STPG2: variants seen among roughly 807,000 people sequenced by gnomAD.
STPG2 encodes sperm tail PG-rich repeat containing 2.
In STPG2, 56 loss-of-function variants were observed where a neutral mutation model predicts 54.2. The observed-to-expected ratio is 1.03, with a 90% CI of 0.83 to 1.29. The LOEUF is 1.29. Ranked by LOEUF, STPG2 falls within the 50% of genes most tolerant of loss-of-function variation. STPG2 has a pLI of 0.00. For missense variants in STPG2, 596 were observed against 544.9 expected (o/e 1.09, Z -0.93); for synonymous variants, 200 against 181.8 (o/e 1.10, Z -0.81).
chr4:97,949,867 T>C (rs1330477380), intron 7 of STPG2, among the ~76,000 whole-genome samples: 1 of 117,064 alleles, frequency 8.5e-6, no homozygotes, highest in Non-Finnish European at 1.7e-5. Context: ...GCCTTTGTGT[T>C]TTGTTTTTTG....
At chr4:97,554,918 A>G (rs1296854667), downstream of STPG2, among the ~76,000 whole-genome samples, 1 of 152,138 alleles carries the variant, frequency 6.6e-6, no homozygotes, top group Non-Finnish European at 1.5e-5. Context: ...ATAGGCCTTT[A>G]TGGAATAAGA....
At chr4:97,916,243 G>A (rs1288570213) in intron 8 of STPG2, 1 of 152,638 alleles carries the variant, frequency 6.6e-6, no homozygotes, top group African/African-American at 2.4e-5. Flanking sequence ...ACCTGGATTA[G>A]TAAGGAAAGT....
intron 10 of STPG2, among the ~76,000 whole-genome samples, chr4:97,579,477 T>C (rs1732809329): frequency 6.6e-6 from 1 of 152,092 alleles, no homozygotes; most frequent in Non-Finnish European, 1.5e-5. Flanking sequence ...AATTTTCTGC[T>C]AAATTTATTA....
At chr4:97,598,694 G>T (rs1457537503) in intron 10 of STPG2, among the ~76,000 whole-genome samples, 1 of 152,108 alleles carries the variant, frequency 6.6e-6, no homozygotes. Context: ...TTCAATAAAT[G>T]GTGCTGGGAT....
chr4:97,732,393 G>C (rs552389572), intron 9 of STPG2, among the ~76,000 whole-genome samples: 2 of 152,076 alleles, frequency 1.3e-5, no homozygotes, highest in African/African-American at 2.4e-5. Context: ...AGTTTCATTC[G>C]TCTTCATATG....
intron 4 of STPG2, among the ~76,000 whole-genome samples, chr4:97,542,356 A>C (rs1451611103): frequency 2.6e-5 from 4 of 152,246 alleles, no homozygotes; most frequent in African/African-American, 9.6e-5. Context: ...CAGCCAACAG[A>C]CACATGAAAA....
At position 97,503,020 on chromosome 4, in the gene STPG2, C is replaced by G. The variant is rs978282621; in HGVS notation, c.462+209679G>C. On this transcript the variant is annotated intron_variant, in intron 4 of 4. Transcript: ENST00000522676. ...ATCTTGTTTTTATTTATAAAGTAAT[C>G]ATTTATAAAGAGATACTTCCTATAT... is the stretch of plus-strand genomic sequence containing the variant. Among the ~76,000 whole-genome samples, 6 of 151,800 alleles carry G rather than the reference C, an allele frequency of 4.0e-5. 1 individual carries two copies. Among genetic ancestry groups the G allele is most frequent in the South Asian group, 4.1e-4 (2 of 4,826 alleles).
At chr4:97,730,663 C>A (rs1490171805) in intron 9 of STPG2, among the ~76,000 whole-genome samples, 1 of 152,138 alleles carries the variant, frequency 6.6e-6, no homozygotes, top group Non-Finnish European at 1.5e-5. Context: ...GCCAATGAGT[C>A]ATTGGTTTGG....
intron 5 of STPG2, among the ~76,000 whole-genome samples, chr4:98,015,743 A>C (rs1735923267): frequency 6.6e-6 from 1 of 152,192 alleles, no homozygotes; most frequent in East Asian, 1.9e-4. Flanking sequence ...TTCTACTATA[A>C]AGACACATGC....
chr4:97,814,578 G>A (rs2149099511), intron 9 of STPG2, among the ~76,000 whole-genome samples: 1 of 152,192 alleles, frequency 6.6e-6, no homozygotes, highest in Non-Finnish European at 1.5e-5. Flanking sequence ...CAACTTGATT[G>A]GATTGAAGGA....
At chr4:98,063,512 C>A (rs1427539310) in intron 5 of STPG2, among the ~76,000 whole-genome samples, 2 of 151,720 alleles carry the variant, frequency 1.3e-5, no homozygotes, top group East Asian at 1.9e-4. Flanking sequence ...CACAACCTAT[C>A]AAATTTTATA....
chr4:97,768,529 G>A (rs1726126249), intron 9 of STPG2, among the ~76,000 whole-genome samples: 1 of 152,164 alleles, frequency 6.6e-6, no homozygotes, highest in Non-Finnish European at 1.5e-5. Flanking sequence ...ATTTATGAAA[G>A]GAGAAACGTG....
At chr4:97,448,265 C>T (rs953582143) in intron 4 of STPG2, among the ~76,000 whole-genome samples, 1 of 152,136 alleles carries the variant, frequency 6.6e-6, no homozygotes, top group African/African-American at 2.4e-5. Flanking sequence ...GGACTATGGG[C>T]TTTTGAGCTA....
intron 10 of STPG2, among the ~76,000 whole-genome samples, chr4:97,615,323 A>AT (rs1733833697): frequency 6.6e-6 from 1 of 152,034 alleles, no homozygotes; most frequent in Non-Finnish European, 1.5e-5. Flanking sequence ...CAAAATACAC[A>AT]TTTTTCATGA....
chr4:97,880,684 A>G (rs549912841), intron 8 of STPG2, among the ~76,000 whole-genome samples: 2 of 152,286 alleles, frequency 1.3e-5, no homozygotes, highest in South Asian at 2.1e-4. Context: ...AAGAAATACA[A>G]ATTACCCACT....
chr4:97,673,998 T>C (rs1465004064), intron 10 of STPG2, among the ~76,000 whole-genome samples: 1 of 152,190 alleles, frequency 6.6e-6, no homozygotes, highest in East Asian at 1.9e-4. Context: ...CCTAAAGGGT[T>C]TAACACAAAT....
chr4:98,033,945 C>T (rs752858764), intron 5 of STPG2, among the ~76,000 whole-genome samples: 22 of 152,092 alleles, frequency 1.4e-4, no homozygotes, highest in African/African-American at 4.1e-4. Context: ...ATCGATGGAA[C>T]GCATCTCAAA....
chr4:97,612,077 A>C (rs114694687), intron 10 of STPG2, among the ~76,000 whole-genome samples: 2,624 of 151,972 alleles, frequency 0.017, 66 homozygotes, highest in African/African-American at 0.059. Context: ...GTCTTTAAAA[A>C]TCAAGAAAAG....
At chr4:97,530,334 A>G (rs1469180823) in intron 4 of STPG2, among the ~76,000 whole-genome samples, 1 of 152,182 alleles carries the variant, frequency 6.6e-6, no homozygotes, top group Non-Finnish European at 1.5e-5. Flanking sequence ...TGATAGTCTG[A>G]GAAAGCAAAG....
Sources: allele counts gnomAD v4.1 joint callset (sites outside exome capture counted in the v4.1 genomes callset), GRCh38; gene constraint gnomAD v4.1.1; transcripts MANE v1.5; gene names NCBI Gene and HGNC (gene_info 2026-07-23, HGNC 2026-07-21).